The following NDUFB11 variants were observed in gnomAD, a reference collection of about 807,000 sequenced individuals.
The protein encoded by NDUFB11 is NADH:ubiquinone oxidoreductase subunit B11, also known as NADH dehydrogenase [ubiquinone] 1 beta subcomplex subunit 11, mitochondrial.
For synonymous variants in NDUFB11, 51 were observed against 57.4 expected (o/e 0.89, Z 0.51); for missense variants, 108 against 133.8 (o/e 0.81, Z 0.95).
At chrX:47,144,445 T>TTGCCCCCCC in intron 1 of NDUFB11, 28 bp downstream of exon 1, 1 of 61,005 alleles carries the variant, frequency 1.6e-5, no homozygotes, top group Non-Finnish European at 2.6e-5. Flanking sequence ...CCGTCCCCAC[T>TTGCCCCCCC]ACCCCCCCCC....
rs199726768 is a variant in NDUFB11, at chrX:47,142,419, G to A, written c.360C>T (p.Arg120=). 28 of 1,210,043 alleles carry A rather than the reference G, an allele frequency of 2.3e-5. No individual in the cohort carries two copies. The highest frequency in any genetic ancestry group is 1.1e-4 in the Admixed American group (5 of 45,768). Residue 120 remains arginine, a synonymous_variant, in exon 3 of 3, where the codon CGC becomes CGT. Coordinates refer to ENST00000377811, the MANE Select transcript of NDUFB11 (RefSeq NM_001135998.3). Reference sequence around the variant, plus strand: ...GGTATTTCACAAGCCTCTCAGCTTCGCGGCGGGACCACTCTTTCATCCTGG... The same window carrying A: ...GGTATTTCACAAGCCTCTCAGCTTCACGGCGGGACCACTCTTTCATCCTGG... ...PDYRMKEWSR[R]EAERLVKYRE...
At position 47,142,431 on chromosome X, in the gene NDUFB11, C is replaced by G; in HGVS notation, c.348G>C (p.Glu116Asp). 1 of 1,211,891 alleles carries G rather than the reference C, an allele frequency of 8.3e-7. No individual in the cohort carries two copies. Among genetic ancestry groups the G allele is most frequent in the Middle Eastern group, 2.3e-4 (1 of 4,353 alleles). Residue 116 changes from glutamate to aspartate, a missense_variant, in exon 3 of 3, where the codon GAG (glutamate) becomes GAC (aspartate). Coordinates refer to ENST00000377811, the MANE Select transcript of NDUFB11 (RefSeq NM_001135998.3). Reference protein sequence around the residue: ...VAYLPDYRMKEWSRREAERLV... With the variant: ...VAYLPDYRMKDWSRREAERLV... ...GCCTCTCAGCTTCGCGGCGGGACCA[C>G]TCTTTCATCCTGGTAGTGCAAATAG...
chrX:47,142,690 G>C lies in NDUFB11; in HGVS notation c.262C>G (p.Arg88Gly). Residue 88 changes from arginine (R) to glycine (G), a missense_variant, in exon 2 of 3, where the codon CGA becomes GGA. Transcript: ENST00000377811. ...KDPVLDVWNM[R>G]LVFFFGVSII... is the part of the protein sequence containing the mutation. ...GAGACGCCAAAGAAGAAGACAAGTCGCATGTTCCAGACGTCCAAAACGGGG... is the reference window on the plus strand; with the variant it reads ...GAGACGCCAAAGAAGAAGACAAGTCCCATGTTCCAGACGTCCAAAACGGGG... 8.3e-7 allele frequency: 1 copy of C among 1,211,691 alleles called. No individual in the cohort carries two copies. The highest frequency in any genetic ancestry group is 1.1e-6 in the Non-Finnish European group (1 of 895,355).
chrX:47,144,446 A>AG, intron 1 of NDUFB11, 27 bp downstream of exon 1: 5 of 53,653 alleles, frequency 9.3e-5, no homozygotes, highest in Non-Finnish European at 1.7e-4. Flanking sequence ...CGTCCCCACT[A>AG]CCCCCCCCCC....
intron 1 of NDUFB11, 145 bp from the exon 2 acceptor site, chrX:47,142,889 G>A: frequency 1.6e-6 from 1 of 638,348 alleles, no homozygotes; most frequent in Non-Finnish European, 2.3e-6. Context: ...TCCCACTGCA[G>A]GGCCACTGCA....
chrX:47,142,865 T>C, intron 1 of NDUFB11, 121 bp from the exon 2 acceptor site: 2 of 824,847 alleles, frequency 2.4e-6, no homozygotes, highest in South Asian at 5.3e-5. Flanking sequence ...ATTCTTGGGA[T>C]ATGTCAAGCT....
Position 47,144,470 on chromosome X carries a change from C to T in NDUFB11, c.207+3G>A. On this transcript the variant is annotated splice_donor_region_variant and intron_variant, in intron 1 of 2. Coordinates refer to ENST00000377811, the MANE Select transcript of NDUFB11 (RefSeq NM_001135998.3). ...TACCCCCCCCCCCCCCCCCGCCTCT[C>T]ACCTTCTCATACAAGTTTTCGTCCT... 1.8e-6 allele frequency: 1 copy of T among 568,726 alleles called. No homozygotes were observed. Among genetic ancestry groups the T allele is most frequent in the Non-Finnish European group, 2.3e-6 (1 of 444,199 alleles). The allele number at this position is 568,726 out of a possible 1,213,427, so 46.9% of individuals were successfully genotyped here.
At chrX:47,144,816 G>A, upstream of NDUFB11, 1 of 612,558 alleles carries the variant, frequency 1.6e-6, no homozygotes, top group Middle Eastern at 5.6e-4. Flanking sequence ...GTTTTCCAAT[G>A]AGGCGGGGCG....
Position 47,142,863 on chromosome X carries a change from G to GAT in NDUFB11, c.208-121_208-120dup, listed in dbSNP as rs1306176350. 11 of 843,962 alleles carry GAT rather than the reference G, an allele frequency of 1.3e-5. No homozygotes were observed. In the African/African-American group the frequency reaches 2.3e-4, roughly 17 times the overall value. The allele number at this position is 843,962 out of a possible 1,213,427, so 69.6% of individuals were successfully genotyped here. A position where few individuals can be genotyped will look rare whatever the true frequency, so the allele number is the denominator to read the frequency against. On this transcript the variant is annotated intron_variant, in intron 1 of 2. Coordinates refer to ENST00000377811, the MANE Select transcript of NDUFB11 (RefSeq NM_001135998.3). The stretch of plus-strand genomic sequence containing the variant: ...TAAATTCCTCTGTTTCCATTCTTGG[G>GAT]ATATGTCAAGCTCCTTCCCACTGCA...
intron 1 of NDUFB11, 90 bp from the exon 2 acceptor site, chrX:47,142,834 T>A: frequency 1.0e-6 from 1 of 985,666 alleles, no homozygotes; most frequent in Non-Finnish European, 1.4e-6. Context: ...TGTGCCCCTC[T>A]CACTAAATTC....
At chrX:47,142,491 A>T (rs1556760640) in intron 2 of NDUFB11, 51 bp from the exon 3 acceptor site, 1 of 1,204,294 alleles carries the variant, frequency 8.3e-7, no homozygotes, top group Admixed American at 2.2e-5. Flanking sequence ...AACTGATACC[A>T]ATCCCTCATC....
At chrX:47,143,600 G>T (rs781803518) in intron 1 of NDUFB11, among the ~76,000 whole-genome samples, 6 of 112,361 alleles carry the variant, frequency 5.3e-5, no homozygotes, top group Non-Finnish European at 9.4e-5. Flanking sequence ...ACATACTTAC[G>T]AAGTGCCAGC....
chrX:47,144,445 T>TGGGCCCCCCCCC, intron 1 of NDUFB11, 28 bp downstream of exon 1: 2 of 61,005 alleles, frequency 3.3e-5, no homozygotes, highest in Non-Finnish European at 2.6e-5. Flanking sequence ...CCGTCCCCAC[T>TGGGCCCCCCCCC]ACCCCCCCCC....
Position 47,144,517 on chromosome X carries a change from A to G in NDUFB11, c.163T>C (p.Trp55Arg). Residue 55 changes from tryptophan to arginine, a missense_variant, in exon 1 of 3, where the codon TGG becomes CGG. Physicochemically the swap from Trp to Arg is moderately radical, Grantham distance 101. Transcript: ENST00000377811. ...TCCTCGGGTTCTGGGTCCTCTTGCC[A>G]CGGTGTGGTCGGTTCTGGGGGCCGC... Reference protein sequence around the residue: ...GKRPPEPTTPWQEDPEPEDEN... With the variant: ...GKRPPEPTTPRQEDPEPEDEN... The G allele has an allele frequency of 1.0e-6, 1 of 963,129 alleles. No individual in the cohort carries two copies. Among genetic ancestry groups the G allele is most frequent in the South Asian group, 2.4e-5 (1 of 40,930 alleles). 79.4% of individuals were successfully genotyped at this position (963,129 alleles called of 1,213,427 possible).
chrX:47,142,483 C>G (rs782279354), intron 2 of NDUFB11, 43 bp from the exon 3 acceptor site: 1 of 1,205,956 alleles, frequency 8.3e-7, no homozygotes, highest in Non-Finnish European at 1.1e-6. Context: ...GGAGCCTCAA[C>G]TGATACCAAT....
chrX:47,144,349 T>G, intron 1 of NDUFB11, 124 bp downstream of exon 1: 1 of 497,826 alleles, frequency 2.0e-6, no homozygotes, highest in South Asian at 7.4e-5. Flanking sequence ...TCTTCTAGGC[T>G]TTCGCCGGCC....
upstream of NDUFB11, chrX:47,145,231 T>C (rs1158307838): frequency 2.2e-6 from 1 of 454,970 alleles, no homozygotes; most frequent in Admixed American, 3.3e-5. Flanking sequence ...AGTAGGTGGA[T>C]GGTGGTCGGA....
chrX:47,143,901 T>C (rs1178426318), intron 1 of NDUFB11, among the ~76,000 whole-genome samples: 1 of 111,918 alleles, frequency 8.9e-6, no homozygotes, highest in Admixed American at 9.5e-5. Context: ...TCTCTGTGCC[T>C]CAGTTTCCTC....
At chrX:47,145,419 T>C, upstream of NDUFB11, 2 of 1,146,111 alleles carry the variant, frequency 1.7e-6, no homozygotes, top group Non-Finnish European at 2.3e-6. Flanking sequence ...GCTGGGAGAG[T>C]TGGAGGAGGT....
Sources: allele counts gnomAD v4.1 joint callset (sites outside exome capture counted in the v4.1 genomes callset), GRCh38; gene constraint gnomAD v4.1.1; transcripts MANE v1.5; gene names NCBI Gene and HGNC (gene_info 2026-07-23, HGNC 2026-07-21).